The following RERE variants were observed in gnomAD, a reference collection of about 807,000 sequenced individuals.
The protein encoded by RERE is arginine-glutamic acid dipeptide repeats protein.
RERE carries 40 observed loss-of-function variants against 146.1 expected under a neutral mutation model. The ratio of observed to expected loss-of-function variants is 0.27; its 90% CI spans 0.21 to 0.36. The LOEUF is 0.36. Ranked by LOEUF, RERE falls within the 10% of genes least tolerant of loss-of-function variation. The pLI is 1.00. For synonymous variants in RERE, 1,003 were observed against 866.0 expected (o/e 1.16, Z -2.78); for missense variants, 1,933 against 2,138.7 (o/e 0.90, Z 1.90).
Position 8,360,990 on chromosome 1 carries a change from G to A in RERE, c.2517C>T (p.Pro839=). ...LTGSAGQPSA[P]SHAQPPLHGQ... ...CGTGCAGTGGGGGCTGGGCATGAGAGGGTGCAGAAGGCTGGCCCGCCGACC... is the reference window on the plus strand; with the variant it reads ...CGTGCAGTGGGGGCTGGGCATGAGAAGGTGCAGAAGGCTGGCCCGCCGACC... The change falls in exon 18 of 23, where the codon CCC becomes CCT. Residue 839 remains proline (P), a synonymous_variant. Transcript: ENST00000400908. 1 of 1,438,700 alleles carries A rather than the reference G, an allele frequency of 7.0e-7. No individual in the cohort carries two copies. The highest frequency in any genetic ancestry group is 9.1e-7 in the Non-Finnish European group (1 of 1,102,234). The allele number at this position is 1,438,700 out of a possible 1,614,324, so 89.1% of individuals were successfully genotyped here. A position where few individuals can be genotyped will look rare whatever the true frequency, so the allele number is the denominator to read the frequency against.
In RERE at chr1:8,507,737, C is replaced by CTT. The variant is rs58647657; in HGVS notation, c.879+888_879+889dup. Among the ~76,000 whole-genome samples the CTT allele has an allele frequency of 8.2e-3, 703 of 85,906 alleles. 63 individuals carry two copies. Among genetic ancestry groups the CTT allele is most frequent in the African/African-American group, 0.033 (663 of 19,990 alleles). The allele number at this position is 85,906 out of a possible 152,430, so 56.4% of individuals were successfully genotyped here. A position where few individuals can be genotyped will look rare whatever the true frequency, so the allele number is the denominator to read the frequency against. Reference sequence around the variant, plus strand: ...AAAAGAGGTTTTAAACATCTTTTATCTTTTTTTTTTTTTTTTTTTGAGACA... The same window carrying CTT: ...AAAAGAGGTTTTAAACATCTTTTATCTTTTTTTTTTTTTTTTTTTTTGAGACA... On this transcript the variant is annotated intron_variant, in intron 8 of 22. Transcript: ENST00000400908.
intron 7 of RERE, among the ~76,000 whole-genome samples, chr1:8,535,627 A>T (rs1645714569): frequency 6.6e-6 from 1 of 152,240 alleles, no homozygotes; most frequent in African/African-American, 2.4e-5. Context: ...TATTATTAAC[A>T]TTATTGCAGT....
At position 8,364,973 on chromosome 1, in the gene RERE, C is replaced by T. The variant is rs758208464; in HGVS notation, c.1448-135G>A. 4.0e-5 allele frequency: 27 copies of T among 677,394 alleles called. No individual in the cohort carries two copies. The highest frequency in any genetic ancestry group is 8.5e-5 in the South Asian group (5 of 58,702). The allele number at this position is 677,394 out of a possible 1,614,324, so 42.0% of individuals were successfully genotyped here. A position where few individuals can be genotyped will look rare whatever the true frequency, so the allele number is the denominator to read the frequency against. ...TGCAGGTTCTGGCCACCAGTCAGAGCGGCTGGGTGCACAGGCTGAGGTAGG... is the reference window on the plus strand; with the variant it reads ...TGCAGGTTCTGGCCACCAGTCAGAGTGGCTGGGTGCACAGGCTGAGGTAGG... On this transcript the variant is annotated intron_variant, in intron 13 of 22. Coordinates refer to ENST00000400908, the MANE Select transcript of RERE (RefSeq NM_001042681.2). The surrounding 1 kb of genome is among the most constrained non-coding windows in gnomAD (Gnocchi z 5.1).
intron 2 of RERE, among the ~76,000 whole-genome samples, chr1:8,643,552 G>A (rs1462562231): frequency 6.6e-6 from 1 of 152,192 alleles, no homozygotes; most frequent in Non-Finnish European, 1.5e-5. Flanking sequence ...GAAATCAGAT[G>A]GCTATTTTGT....
At chr1:8,402,526 TG>T (rs1227418705) in intron 12 of RERE, among the ~76,000 whole-genome samples, 5 of 152,210 alleles carry the variant, frequency 3.3e-5, no homozygotes, top group Non-Finnish European at 5.9e-5. Context: ...GGTGGACAGC[TG>T]GAACACAAGA....
intron 7 of RERE, chr1:8,519,758 A>G (rs1051135506): frequency 4.6e-5 from 7 of 152,136 alleles, no homozygotes; most frequent in Admixed American, 1.3e-4. Context: ...TATTTTTTGT[A>G]GTTATTTCTT....
At chr1:8,513,095 C>A (rs562221210) in intron 7 of RERE, 3 of 152,182 alleles carry the variant, frequency 2.0e-5, no homozygotes, top group Non-Finnish European at 4.4e-5. Flanking sequence ...CTAAGCAGCG[C>A]CTCCAGCCAC....
chr1:8,409,458 AAT>A (rs1643552520), intron 12 of RERE, among the ~76,000 whole-genome samples: 5 of 152,328 alleles, frequency 3.3e-5, no homozygotes, highest in Admixed American at 3.3e-4. Context: ...TGGGGAGAGG[AAT>A]AGAAGCAGGG....
At chr1:8,541,148 T>TAC (rs1047425335) in intron 7 of RERE, 66 bp downstream of exon 7, 363 of 800,454 alleles carry the variant, frequency 4.5e-4, no homozygotes, top group Non-Finnish European at 5.4e-4. Flanking sequence ...CACACACACA[T>TAC]ACACACACAC....
intron 1 of RERE, among the ~76,000 whole-genome samples, chr1:8,804,398 A>C (rs1202650426): frequency 6.6e-6 from 1 of 152,188 alleles, no homozygotes. Flanking sequence ...GATTACAATA[A>C]TACTGTCAAA....
At chr1:8,664,067 C>T (rs903718278) in intron 1 of RERE, among the ~76,000 whole-genome samples, 1 of 152,172 alleles carries the variant, frequency 6.6e-6, no homozygotes, top group African/African-American at 2.4e-5. Context: ...ATCACTTCCC[C>T]ACTAACTGCA....
At chr1:8,524,258 A>G (rs754979477) in intron 7 of RERE, among the ~76,000 whole-genome samples, 27 of 152,334 alleles carry the variant, frequency 1.8e-4, no homozygotes, top group Middle Eastern at 3.4e-3. Flanking sequence ...GATCACAAAA[A>G]TAATAAACGC....
intron 10 of RERE, among the ~76,000 whole-genome samples, chr1:8,478,206 T>C (rs1433122733): frequency 6.6e-6 from 1 of 152,206 alleles, no homozygotes; most frequent in East Asian, 1.9e-4. Flanking sequence ...ATTTAGCAAC[T>C]ATTATGCAAA....
At chr1:8,545,445 A>G (rs1338917269) in intron 6 of RERE, among the ~76,000 whole-genome samples, 1 of 152,156 alleles carries the variant, frequency 6.6e-6, no homozygotes, top group Non-Finnish European at 1.5e-5. Flanking sequence ...TTAAGTAAGG[A>G]GACAATACAA....
In RERE at chr1:8,557,401, CA is replaced by C; in HGVS notation, c.628+16del. 6.8e-7 allele frequency: 1 copy of C among 1,467,370 alleles called. No individual in the cohort carries two copies. Among genetic ancestry groups the C allele is most frequent in the Non-Finnish European group, 9.6e-7 (1 of 1,046,618 alleles). The allele number at this position is 1,467,370 out of a possible 1,614,324, so 90.9% of individuals were successfully genotyped here. A position where few individuals can be genotyped will look rare whatever the true frequency, so the allele number is the denominator to read the frequency against. The stretch of plus-strand genomic sequence containing the variant: ...AAGCTAAGAAACACACAAATCAAAC[CA>C]CAAGGACATATTTACCATTTTCATT... On this transcript the variant is annotated intron_variant, in intron 5 of 22. Coordinates refer to ENST00000400908, the MANE Select transcript of RERE (RefSeq NM_001042681.2).
chr1:8,677,290 G>A (rs571211632), intron 1 of RERE, among the ~76,000 whole-genome samples: 12 of 151,964 alleles, frequency 7.9e-5, no homozygotes, highest in Admixed American at 2.0e-4. Flanking sequence ...TTAGCCAGGC[G>A]TGGTGGCACG....
chr1:8,650,058 G>A (rs1239646886), intron 2 of RERE, among the ~76,000 whole-genome samples: 2 of 152,128 alleles, frequency 1.3e-5, no homozygotes, highest in Non-Finnish European at 2.9e-5. Flanking sequence ...CCCCGAGGCA[G>A]GCGGGAACAT....
chr1:8,382,205 C>T (rs901584499), intron 12 of RERE, among the ~76,000 whole-genome samples: 5 of 152,250 alleles, frequency 3.3e-5, no homozygotes, highest in African/African-American at 1.2e-4. Flanking sequence ...TGCTGCTAGG[C>T]TCTTAACAAA....
At chr1:8,622,507 A>AAC (rs1224892420) in intron 3 of RERE, among the ~76,000 whole-genome samples, 1 of 139,942 alleles carries the variant, frequency 7.1e-6, no homozygotes, top group Non-Finnish European at 1.6e-5. Flanking sequence ...AAAAAAAAAA[A>AAC]AAAACACACT....
Sources: allele counts gnomAD v4.1 joint callset (sites outside exome capture counted in the v4.1 genomes callset), GRCh38; gene constraint gnomAD v4.1.1; non-coding constraint Gnocchi (gnomAD v3.1); transcripts MANE v1.5; gene names NCBI Gene and HGNC (gene_info 2026-07-23, HGNC 2026-07-21).